The following ANO5 variants were observed in gnomAD, a reference collection of about 807,000 sequenced individuals.
ANO5 encodes the protein anoctamin 5.
ANO5 carries 109 observed loss-of-function variants against 121.0 expected under a neutral mutation model. The ratio of observed to expected loss-of-function variants is 0.90; its 90% CI spans 0.77 to 1.06. The LOEUF (loss-of-function observed/expected upper bound fraction) is 1.06, where lower values mean the gene tolerates loss of function less well. Among genes scored for constraint, ANO5 ranks in the 50% least tolerant of loss-of-function variants. The probability of loss-of-function intolerance (pLI) is 0.00; values close to 1 mark genes in which losing one functional copy is unlikely to be tolerated. For missense variants in ANO5, 1,064 were observed against 1,078.5 expected (o/e 0.99, Z 0.19); for synonymous variants, 406 against 359.9 (o/e 1.13, Z -1.45).
chr11:22,242,590 C>T (rs1275024144), intron 9 of ANO5, among the ~76,000 whole-genome samples: 1 of 152,012 alleles, frequency 6.6e-6, no homozygotes, highest in Non-Finnish European at 1.5e-5. Context: ...TTGTAGTTTT[C>T]CTTGTAGAGA....
At chr11:22,217,451 G>A (rs1406517215) in intron 3 of ANO5, among the ~76,000 whole-genome samples, 3 of 150,994 alleles carry the variant, frequency 2.0e-5, no homozygotes, top group Non-Finnish European at 4.4e-5. Context: ...AAAAAAACCT[G>A]GGTAAACTTT....
intron 13 of ANO5, among the ~76,000 whole-genome samples, chr11:22,256,269 C>T (rs1032602898): frequency 4.6e-5 from 7 of 152,104 alleles, no homozygotes; most frequent in Non-Finnish European, 7.4e-5. Flanking sequence ...CACTGTGTTT[C>T]CTGCTGCTAT....
In ANO5 at chr11:22,281,067, A is replaced by C. The variant is rs979872553; in HGVS notation, c.*1302A>C. 1.6e-4 allele frequency: 24 copies of C among 152,034 alleles called. No homozygotes were observed. The highest frequency in any genetic ancestry group is 1.5e-3 in the Admixed American group (23 of 15,264). 9.4% of individuals were successfully genotyped at this position (152,034 alleles called of 1,614,324 possible). ...CCTTGTTCTGTTTTCACTTAAAAAAACTAAATATGTATAACTTTGTGTATA... is the reference window on the plus strand; with the variant it reads ...CCTTGTTCTGTTTTCACTTAAAAAACCTAAATATGTATAACTTTGTGTATA... On this transcript the variant is annotated 3_prime_UTR_variant, in exon 22 of 22. Coordinates refer to ENST00000324559, the MANE Select transcript of ANO5 (RefSeq NM_213599.3).
Position 22,228,659 on chromosome 11 carries a change from A to G in ANO5, c.648+1073A>G, listed in dbSNP as rs977411478. ...TTCTTTCCTCCCCCTACCTCTTCCC[A>G]TTCTCTGCTAATCACTATTCTACCC... On this transcript the variant is annotated intron_variant, in intron 7 of 21. Transcript: ENST00000324559. Among the ~76,000 whole-genome samples the G allele has an allele frequency of 3.3e-5, 5 of 151,750 alleles. 1 individual carries two copies. The highest frequency in any genetic ancestry group is 1.2e-4 in the African/African-American group (5 of 41,312).
At chr11:22,203,167 C>CA (rs1256968380) in intron 1 of ANO5, among the ~76,000 whole-genome samples, 14 of 151,604 alleles carry the variant, frequency 9.2e-5, no homozygotes, top group South Asian at 2.1e-4. Context: ...ATATTTTCTC[C>CA]AAAAAAAATA....
chr11:22,219,390 C>T (rs1852564949), intron 4 of ANO5, among the ~76,000 whole-genome samples: 1 of 152,036 alleles, frequency 6.6e-6, no homozygotes, highest in Non-Finnish European at 1.5e-5. Context: ...CATACGTGCA[C>T]ATGTTCTGTT....
chr11:22,212,475 A>G (rs1208183957), intron 3 of ANO5, among the ~76,000 whole-genome samples: 1 of 151,938 alleles, frequency 6.6e-6, no homozygotes, highest in Non-Finnish European at 1.5e-5. Flanking sequence ...CATGGAATTC[A>G]TTTATCAGAG....
rs1196954564 is a variant in ANO5 at position 22,250,738 on chromosome 11, C to T, written c.1014-3C>T. Reference sequence around the variant, plus strand: ...TTCAATAACTTTGCTGTTCCTCTTGCAGCACTGAAATCTGTGACCCTGAGA... The same window carrying T: ...TTCAATAACTTTGCTGTTCCTCTTGTAGCACTGAAATCTGTGACCCTGAGA... On this transcript the variant is annotated splice_polypyrimidine_tract_variant and splice_region_variant and intron_variant, in intron 10 of 21. Transcript: ENST00000324559. 3 of 1,613,650 alleles carry T rather than the reference C, an allele frequency of 1.9e-6. No homozygotes were observed. Among genetic ancestry groups the T allele is most frequent in the Non-Finnish European group, 2.5e-6 (3 of 1,179,610 alleles).
At chr11:22,200,249 A>G (rs959853327) in intron 1 of ANO5, among the ~76,000 whole-genome samples, 3 of 152,146 alleles carry the variant, frequency 2.0e-5, no homozygotes, top group Non-Finnish European at 4.4e-5. Flanking sequence ...GGTGTTTTCC[A>G]TGAAGTGATA....
chr11:22,273,389 T>G (rs1483064867), intron 19 of ANO5, among the ~76,000 whole-genome samples: 1 of 152,162 alleles, frequency 6.6e-6, no homozygotes, highest in African/African-American at 2.4e-5. Context: ...AGCATAACTT[T>G]TACAATGCAT....
rs147814078 is a variant in ANO5, at chr11:22,235,820, A to T, written c.649-343A>T. 1.7e-3 allele frequency among the ~76,000 whole-genome samples: 265 copies of T among 152,272 alleles called. 1 individual carries two copies. The highest frequency in any genetic ancestry group is 1.4e-3 in the East Asian group (7 of 5,176). On this transcript the variant is annotated intron_variant, in intron 7 of 21. Transcript: ENST00000324559. ...TTCTACTCCATATTCCCCCAACTGA[A>T]CTGTTAGTAGTGACATTAGTATCCT...
intron 8 of ANO5, among the ~76,000 whole-genome samples, chr11:22,237,259 C>T (rs1342182979): frequency 6.6e-6 from 1 of 152,088 alleles, no homozygotes; most frequent in African/African-American, 2.4e-5. Context: ...CAAGTGGCAG[C>T]TAAATAATTC....
intron 5 of ANO5, among the ~76,000 whole-genome samples, chr11:22,221,755 G>A (rs954299863): frequency 6.6e-6 from 1 of 151,836 alleles, no homozygotes; most frequent in African/African-American, 2.4e-5. Flanking sequence ...ACAATGGTTG[G>A]ACTATAATGG....
intron 17 of ANO5, among the ~76,000 whole-genome samples, chr11:22,268,255 T>C (rs114135025): frequency 0.017 from 2,502 of 150,892 alleles, 56 homozygotes; most frequent in African/African-American, 0.059. Flanking sequence ...ATTTTAATTG[T>C]TTCAATATAA....
chr11:22,282,904 A>G lies in ANO5; in HGVS notation c.*3139A>G, dbSNP rs1013009903. On this transcript the variant is annotated 3_prime_UTR_variant, in exon 22 of 22. Transcript: ENST00000324559. ...AGTTGTTATGCAACTAAAGAATGTT[A>G]TGAAGAAAAATAGCATTGCAAAAAG... 2.6e-5 allele frequency: 4 copies of G among 152,324 alleles called. No individual in the cohort carries two copies. Among genetic ancestry groups the G allele is most frequent in the African/African-American group, 9.6e-5 (4 of 41,586 alleles). The allele number at this position is 152,324 out of a possible 1,614,324, so 9.4% of individuals were successfully genotyped here. A position where few individuals can be genotyped will look rare whatever the true frequency, so the allele number is the denominator to read the frequency against.
At chr11:22,274,364 C>G (rs981155107) in intron 19 of ANO5, among the ~76,000 whole-genome samples, 3 of 152,036 alleles carry the variant, frequency 2.0e-5, no homozygotes, top group Non-Finnish European at 4.4e-5. Flanking sequence ...CACTTTGTAG[C>G]TATGAAATCT....
chr11:22,236,131 T>C, intron 7 of ANO5, 32 bp from the exon 8 acceptor site: 1 of 1,378,172 alleles, frequency 7.3e-7, no homozygotes, highest in African/African-American at 1.4e-5. Context: ...AGTTCTGAGA[T>C]GTGATAGTGT....
At chr11:22,197,216 A>G (rs1015301612) in intron 1 of ANO5, among the ~76,000 whole-genome samples, 2 of 152,236 alleles carry the variant, frequency 1.3e-5, no homozygotes, top group Non-Finnish European at 2.9e-5. Flanking sequence ...ATGAGGAATC[A>G]GTGATCTCCA....
At chr11:22,237,279 T>C (rs1853255371) in intron 8 of ANO5, among the ~76,000 whole-genome samples, 1 of 152,216 alleles carries the variant, frequency 6.6e-6, no homozygotes, top group Non-Finnish European at 1.5e-5. Flanking sequence ...CCCCATTTTT[T>C]TGAAATACAG....
Sources: allele counts gnomAD v4.1 joint callset (sites outside exome capture counted in the v4.1 genomes callset), GRCh38; gene constraint gnomAD v4.1.1; transcripts MANE v1.5; gene names NCBI Gene and HGNC (gene_info 2026-07-23, HGNC 2026-07-21).